Variants in KCNJ6 observed in about 807,000 individuals in gnomAD.
KCNJ6 encodes potassium inwardly rectifying channel subfamily J member 6, also known as G protein-activated inward rectifier potassium channel 2.
A neutral mutation model predicts 34.2 loss-of-function variants in KCNJ6; 9 were observed. That is an observed-to-expected ratio of 0.26 (90% CI 0.16 to 0.46). The LOEUF is 0.46. Ranked by LOEUF, KCNJ6 falls within the 20% of genes least tolerant of loss-of-function variation. The probability of loss-of-function intolerance (pLI) is 1.00; values close to 1 mark genes in which losing one functional copy is unlikely to be tolerated. For missense variants in KCNJ6, 236 were observed against 531.3 expected (o/e 0.44, Z 5.46); for synonymous variants, 196 against 207.1 (o/e 0.95, Z 0.46).
intron 3 of KCNJ6, among the ~76,000 whole-genome samples, chr21:37,639,667 A>G (rs1303252596): frequency 6.6e-6 from 1 of 152,108 alleles, no homozygotes; most frequent in African/African-American, 2.4e-5. Context: ...GGTCATTTTT[A>G]TTCATTTCTG....
intron 2 of KCNJ6, among the ~76,000 whole-genome samples, chr21:37,749,198 C>A (rs2835930): frequency 0.25 from 38,450 of 152,040 alleles, 5,224 homozygotes; most frequent in East Asian, 0.51. Context: ...GGTATGCAAA[C>A]TTCCTTCTAG....
chr21:37,626,096 G>A (rs1429679060), intron 3 of KCNJ6, among the ~76,000 whole-genome samples: 1 of 151,302 alleles, frequency 6.6e-6, no homozygotes, highest in Non-Finnish European at 1.5e-5. Context: ...CTCAGACTGT[G>A]CAATCATAAC....
chr21:37,807,034 T>C (rs1601481028), intron 2 of KCNJ6, among the ~76,000 whole-genome samples: 1 of 152,214 alleles, frequency 6.6e-6, no homozygotes, highest in South Asian at 2.1e-4. Flanking sequence ...TTAAAAATTT[T>C]GTAACAATTT....
At chr21:37,857,085 T>C (rs2055569233) in intron 1 of KCNJ6, among the ~76,000 whole-genome samples, 1 of 152,240 alleles carries the variant, frequency 6.6e-6, no homozygotes, top group Non-Finnish European at 1.5e-5. Flanking sequence ...ACCATTCCTA[T>C]GGATAGATCT....
chr21:37,914,415 C>A (rs1273793937), intron 1 of KCNJ6, among the ~76,000 whole-genome samples: 2 of 152,118 alleles, frequency 1.3e-5, no homozygotes, highest in African/African-American at 4.8e-5. Flanking sequence ...CCTCGGCGGC[C>A]CCCAGGCAAC....
chr21:37,723,475 T>A (rs1203339671), intron 2 of KCNJ6, among the ~76,000 whole-genome samples: 1 of 152,204 alleles, frequency 6.6e-6, no homozygotes, highest in Non-Finnish European at 1.5e-5. Flanking sequence ...CATTTGTATG[T>A]TCATCGCAGC....
At chr21:37,626,169 C>T (rs554585328) in intron 3 of KCNJ6, among the ~76,000 whole-genome samples, 4 of 148,084 alleles carry the variant, frequency 2.7e-5, no homozygotes, top group East Asian at 2.0e-4. Flanking sequence ...CTCGCTGTGT[C>T]GCCCAGGCTG....
intron 3 of KCNJ6, among the ~76,000 whole-genome samples, chr21:37,635,900 TC>T (rs1389227356): frequency 6.6e-6 from 1 of 152,252 alleles, no homozygotes; most frequent in Non-Finnish European, 1.5e-5. Context: ...TATTAAAAAA[TC>T]ACCTAATTCC....
chr21:37,725,565 T>C (rs1007014816), intron 2 of KCNJ6, among the ~76,000 whole-genome samples: 1 of 152,232 alleles, frequency 6.6e-6, no homozygotes, highest in African/African-American at 2.4e-5. Flanking sequence ...CTTGTATGTA[T>C]TATGTGTAAT....
chr21:37,692,130 C>T (rs1000984783), intron 3 of KCNJ6, among the ~76,000 whole-genome samples: 24 of 151,968 alleles, frequency 1.6e-4, no homozygotes, highest in African/African-American at 3.9e-4. Flanking sequence ...GGTTGATGGG[C>T]GCAACAAACC....
intron 3 of KCNJ6, among the ~76,000 whole-genome samples, chr21:37,649,151 A>AG (rs1569437367): frequency 6.7e-6 from 1 of 148,586 alleles, no homozygotes; most frequent in African/African-American, 2.5e-5. Flanking sequence ...AAAAAAAAAA[A>AG]AAAGAAAGAA....
intron 3 of KCNJ6, 59 bp from the exon 4 acceptor site, chr21:37,625,543 G>T: frequency 7.8e-7 from 1 of 1,278,534 alleles, no homozygotes; most frequent in South Asian, 1.4e-5. Context: ...CATGGCCAAG[G>T]AGTCACAGAG....
Position 37,916,381 on chromosome 21 carries a change from T to G in KCNJ6, c.-525A>C, listed in dbSNP as rs902575820. On this transcript the variant is annotated 5_prime_UTR_variant, in exon 1 of 4. Transcript: ENST00000609713. ...GACGTCATGAAATCCGCAGATTCAATGAATGCTACTCAATTCCAGCCGACT... is the reference window on the plus strand; with the variant it reads ...GACGTCATGAAATCCGCAGATTCAAGGAATGCTACTCAATTCCAGCCGACT... 6.6e-6 allele frequency: 1 copy of G among 151,940 alleles called. No individual in the cohort carries two copies. Among genetic ancestry groups the G allele is most frequent in the Non-Finnish European group, 1.5e-5 (1 of 68,004 alleles). The allele number at this position is 151,940 out of a possible 1,614,324, so 9.4% of individuals were successfully genotyped here.
At chr21:37,866,872 G>A (rs1175866760) in intron 1 of KCNJ6, among the ~76,000 whole-genome samples, 6 of 152,116 alleles carry the variant, frequency 3.9e-5, no homozygotes, top group Non-Finnish European at 7.3e-5. Context: ...ACAAAACTAC[G>A]CATTACTTAG....
At chr21:37,729,464 T>C (rs1417935967) in intron 2 of KCNJ6, among the ~76,000 whole-genome samples, 2 of 152,096 alleles carry the variant, frequency 1.3e-5, no homozygotes, top group Admixed American at 6.5e-5. Flanking sequence ...GCTGGGACTA[T>C]AGGCACGGGC....
In KCNJ6 at chr21:37,714,050, C is replaced by T. The variant is rs961092082; in HGVS notation, c.946+161G>A. 6.6e-6 allele frequency among the ~76,000 whole-genome samples: 1 copy of T among 152,044 alleles called. No homozygotes were observed. The highest frequency in any genetic ancestry group is 1.9e-4 in the East Asian group (1 of 5,184). On this transcript the variant is annotated intron_variant, in intron 3 of 3. Transcript: ENST00000609713. The surrounding 1 kb of genome is among the most constrained non-coding windows in gnomAD (Gnocchi z 5.9). ...ATGGTTAGGCTTCTTGGTGGATATA[C>T]TTCAGGTGAGACATGTAGGCATACT...
chr21:37,737,008 G>A (rs534762473), intron 2 of KCNJ6, among the ~76,000 whole-genome samples: 3 of 152,146 alleles, frequency 2.0e-5, no homozygotes, highest in Non-Finnish European at 4.4e-5. Flanking sequence ...AATTACGTTG[G>A]GGGCACGATG....
chr21:37,881,281 C>T (rs376681855), intron 1 of KCNJ6, among the ~76,000 whole-genome samples: 22 of 152,136 alleles, frequency 1.4e-4, no homozygotes, highest in Non-Finnish European at 2.6e-4. Flanking sequence ...TTAGTCATCT[C>T]GGGCTACCAT....
intron 1 of KCNJ6, among the ~76,000 whole-genome samples, chr21:37,865,275 C>CT (rs2055616886): frequency 6.6e-6 from 1 of 152,220 alleles, no homozygotes; most frequent in Non-Finnish European, 1.5e-5. Flanking sequence ...AAGAAATACT[C>CT]TACTTCACTT....
Sources: gnomAD v4.1 joint callset for allele counts (sites outside exome capture counted in the v4.1 genomes callset) on GRCh38, gnomAD v4.1.1 for gene constraint, Gnocchi (gnomAD v3.1) non-coding constraint, MANE v1.5 for transcripts, NCBI Gene and HGNC (gene_info 2026-07-23, HGNC 2026-07-21) for gene names.